The following UGT1A8 variants were observed in gnomAD, a reference collection of about 807,000 sequenced individuals.
UGT1A8 encodes the protein UDP glucuronosyltransferase family 1 member A8, also known as UDP-glucuronosyltransferase 1A8.
Under a neutral mutation model 45.3 loss-of-function variants are expected in UGT1A8, and 39 were observed. That is an observed-to-expected ratio of 0.86 (90% CI 0.67 to 1.12). The LOEUF (loss-of-function observed/expected upper bound fraction) is 1.12. Ranked by LOEUF, UGT1A8 falls within the 50% of genes most tolerant of loss-of-function variation. UGT1A8 has a pLI of 0.00. For missense variants in UGT1A8, 719 were observed against 664.9 expected, an observed-to-expected ratio of 1.08 and a Z score of -0.90; for synonymous variants, 275 against 249.2, an observed-to-expected ratio of 1.10 and a Z score of -0.97.
chr2:233,772,912 C>A lies in UGT1A8; in HGVS notation c.*353C>A. 2.6e-6 allele frequency: 1 copy of A among 388,966 alleles called. No individual in the cohort carries two copies. The highest frequency in any genetic ancestry group is 4.5e-6 in the Non-Finnish European group (1 of 221,770). The allele number at this position is 388,966 out of a possible 1,614,324, so 24.1% of individuals were successfully genotyped here. ...GGTGGTCCCACGGCTGCCCCTACTGCAAATGGCAGTTTTAATCTTATCTTT... is the reference window on the plus strand; with the variant it reads ...GGTGGTCCCACGGCTGCCCCTACTGAAAATGGCAGTTTTAATCTTATCTTT... On this transcript the variant is annotated 3_prime_UTR_variant, in exon 5 of 5. Coordinates refer to ENST00000373450, the MANE Select transcript of UGT1A8 (RefSeq NM_019076.5).
At chr2:233,677,836 A>G (rs2074401244) in intron 1 of UGT1A8, among the ~76,000 whole-genome samples, 1 of 152,076 alleles carries the variant, frequency 6.6e-6, no homozygotes, top group South Asian at 2.1e-4. Context: ...GATATATGTA[A>G]AAAAAATCGT....
intron 1 of UGT1A8, among the ~76,000 whole-genome samples, chr2:233,765,636 G>A (rs1698897187): frequency 6.6e-6 from 1 of 151,630 alleles, no homozygotes; most frequent in Non-Finnish European, 1.5e-5. Context: ...GGAACTTAGA[G>A]GATAGGTCAA....
intron 1 of UGT1A8, among the ~76,000 whole-genome samples, chr2:233,668,505 C>G (rs1176836805): frequency 2.6e-5 from 4 of 152,074 alleles, no homozygotes; most frequent in Non-Finnish European, 1.5e-5. Context: ...GAATAGTGCC[C>G]CAATAAACAT....
chr2:233,691,741 C>T (rs1019333955), intron 1 of UGT1A8: 1 of 650,910 alleles, frequency 1.5e-6, no homozygotes, highest in African/African-American at 2.0e-5. Context: ...GAAGCAGATA[C>T]CAGGCTTTCT....
At chr2:233,670,616 ATCT>A (rs1231989177) in intron 1 of UGT1A8, among the ~76,000 whole-genome samples, 4 of 152,182 alleles carry the variant, frequency 2.6e-5, no homozygotes, top group African/African-American at 9.6e-5. Context: ...CCATCAAGTC[ATCT>A]TCTGTTGATT....
intron 1 of UGT1A8, 98 bp from the exon 2 acceptor site, chr2:233,766,936 A>C: frequency 6.3e-7 from 1 of 1,586,086 alleles, no homozygotes; most frequent in Admixed American, 1.8e-5. Flanking sequence ...GCCTTTAATC[A>C]TAGTCTTAAG....
At chr2:233,619,026 A>C (rs941948972) in intron 1 of UGT1A8, among the ~76,000 whole-genome samples, 6 of 152,204 alleles carry the variant, frequency 3.9e-5, no homozygotes, top group African/African-American at 1.4e-4. Context: ...AAACCACAGC[A>C]AGAAATGAAA....
chr2:233,656,471 T>C (rs2073855497), intron 1 of UGT1A8, among the ~76,000 whole-genome samples: 1 of 152,230 alleles, frequency 6.6e-6, no homozygotes, highest in Non-Finnish European at 1.5e-5. Flanking sequence ...AACATTGTTT[T>C]TCTCTAGACC....
intron 1 of UGT1A8, among the ~76,000 whole-genome samples, chr2:233,651,611 G>C (rs992253483): frequency 1.3e-5 from 2 of 152,164 alleles, no homozygotes; most frequent in African/African-American, 2.4e-5. Context: ...ACCTACAAAA[G>C]TGAACTGTCA....
At position 233,768,249 on chromosome 2, in the gene UGT1A8, C is replaced by T. The variant is rs1699594140; in HGVS notation, c.1105C>T (p.His369Tyr). ...CCCGATGACCCGTGCCTTTATCACC[C>T]ATGCTGGTTCCCATGGTGTTTATGA... Reference protein sequence around the residue: ...GHPMTRAFITHAGSHGVYESI... With the variant: ...GHPMTRAFITYAGSHGVYESI... Residue 369 changes from histidine to tyrosine, a missense_variant, in exon 4 of 5, where the codon CAT (histidine) becomes TAT (tyrosine). His to Tyr is a moderately conservative substitution (Grantham distance 83). Transcript: ENST00000373450. The T allele has an allele frequency of 6.2e-7, 1 of 1,614,198 alleles. No homozygotes were observed. The highest frequency in any genetic ancestry group is 8.5e-7 in the Non-Finnish European group (1 of 1,180,036).
intron 1 of UGT1A8, among the ~76,000 whole-genome samples, chr2:233,710,776 G>T (rs28898590): frequency 0.038 from 5,758 of 152,276 alleles, 135 homozygotes; most frequent in Non-Finnish European, 0.057. Context: ...GTCAATTTTA[G>T]CAAACGTTTT....
At chr2:233,741,284 A>G (rs1443656037) in intron 1 of UGT1A8, among the ~76,000 whole-genome samples, 2 of 151,828 alleles carry the variant, frequency 1.3e-5, no homozygotes, top group South Asian at 2.1e-4. Flanking sequence ...AATGGGATTT[A>G]TGTACCCAAT....
chr2:233,735,646 T>C (rs1050886537), intron 1 of UGT1A8, among the ~76,000 whole-genome samples: 1 of 152,236 alleles, frequency 6.6e-6, no homozygotes, highest in South Asian at 2.1e-4. Flanking sequence ...CAGTGGCTGG[T>C]ACTGGTGTTT....
chr2:233,696,633 T>C (rs1245843858), intron 1 of UGT1A8, among the ~76,000 whole-genome samples: 3 of 152,220 alleles, frequency 2.0e-5, no homozygotes, highest in East Asian at 3.9e-4. Flanking sequence ...TCTTGCTTAA[T>C]TGCTTTGGAT....
chr2:233,732,017 G>A (rs1379016556), intron 1 of UGT1A8, among the ~76,000 whole-genome samples: 2 of 152,178 alleles, frequency 1.3e-5, no homozygotes. Flanking sequence ...GTTTTGATTT[G>A]CATTTCTCTG....
At chr2:233,748,060 A>G in intron 1 of UGT1A8, 2 of 1,613,404 alleles carry the variant, frequency 1.2e-6, no homozygotes, top group Non-Finnish European at 1.7e-6. Flanking sequence ...AACTGTGCCA[A>G]CAGGAAGCCA....
chr2:233,730,030 G>T (rs1248063013), intron 1 of UGT1A8: 4 of 1,613,378 alleles, frequency 2.5e-6, no homozygotes, highest in Non-Finnish European at 3.4e-6. Flanking sequence ...AATGTTCCAG[G>T]CAAAACACTT....
chr2:233,699,210 GA>G (rs1003409179), intron 1 of UGT1A8, among the ~76,000 whole-genome samples: 1 of 149,904 alleles, frequency 6.7e-6, no homozygotes, highest in Non-Finnish European at 1.5e-5. Context: ...GCTGTTGCAT[GA>G]AAAAAAAACA....
At chr2:233,666,580 C>G (rs2074079312) in intron 1 of UGT1A8, among the ~76,000 whole-genome samples, 1 of 151,650 alleles carries the variant, frequency 6.6e-6, no homozygotes, top group Non-Finnish European at 1.5e-5. Context: ...GGATATTTAT[C>G]CTTTACCAGT....
Sources: allele counts gnomAD v4.1 joint callset (sites outside exome capture counted in the v4.1 genomes callset), GRCh38; gene constraint gnomAD v4.1.1; transcripts MANE v1.5; gene names NCBI Gene and HGNC (gene_info 2026-07-23, HGNC 2026-07-21).